Variants in RFX3 observed in about 807,000 individuals in gnomAD.
RFX3 encodes the protein transcription factor RFX3.
In RFX3, 14 loss-of-function variants were observed where a neutral mutation model predicts 98.6. The ratio of observed to expected loss-of-function variants is 0.14; its 90% CI spans 0.09 to 0.22. RFX3 has a LOEUF of 0.22. RFX3 is among the 10% of genes least tolerant of loss of function. The probability of loss-of-function intolerance (pLI) is 1.00; values close to 1 mark genes in which losing one functional copy is unlikely to be tolerated. For missense variants in RFX3, 639 were observed against 926.9 expected (o/e 0.69, Z 4.03); for synonymous variants, 383 against 328.4 (o/e 1.17, Z -1.80).
chr9:3,294,998 T>C (rs1462004682), intron 5 of RFX3, among the ~76,000 whole-genome samples: 1 of 152,138 alleles, frequency 6.6e-6, no homozygotes, highest in African/African-American at 2.4e-5. Context: ...AAATAATTCT[T>C]TTGTTATGAA....
intron 2 of RFX3, among the ~76,000 whole-genome samples, chr9:3,388,394 A>G (rs1839944008): frequency 6.6e-6 from 1 of 152,118 alleles, no homozygotes; most frequent in Admixed American, 6.6e-5. Flanking sequence ...TCCCCAAAGA[A>G]AATGTCTTTT....
intron 4 of RFX3, among the ~76,000 whole-genome samples, chr9:3,328,483 A>T (rs1251109082): frequency 6.6e-6 from 1 of 152,176 alleles, no homozygotes; most frequent in African/African-American, 2.4e-5. Context: ...ATCTACATAA[A>T]TATACTGATG....
intron 1 of RFX3, among the ~76,000 whole-genome samples, chr9:3,404,198 A>C (rs1022567596): frequency 6.6e-6 from 1 of 152,194 alleles, no homozygotes; most frequent in African/African-American, 2.4e-5. Flanking sequence ...GACCTCAAAA[A>C]AACCTCTATA....
chr9:3,261,618 T>C (rs759811755), intron 13 of RFX3, among the ~76,000 whole-genome samples: 9 of 152,140 alleles, frequency 5.9e-5, no homozygotes, highest in Admixed American at 6.6e-5. Context: ...CCTCTATGTA[T>C]AAGTTTTGTG....
At chr9:3,506,441 G>A (rs566473567) in intron 1 of RFX3, among the ~76,000 whole-genome samples, 7 of 151,868 alleles carry the variant, frequency 4.6e-5, no homozygotes, top group Admixed American at 2.6e-4. Context: ...AAGTTAGGCA[G>A]TAGAAGGAAA....
intron 1 of RFX3, among the ~76,000 whole-genome samples, chr9:3,496,316 A>G (rs1378088066): frequency 6.6e-6 from 1 of 151,966 alleles, no homozygotes; most frequent in Non-Finnish European, 1.5e-5. Flanking sequence ...TGTAATCTTT[A>G]ATGATCCTGC....
chr9:3,454,838 C>T lies in RFX3; in HGVS notation c.-8-59242G>A, dbSNP rs149125817. 4.2e-4 allele frequency among the ~76,000 whole-genome samples: 64 copies of T among 152,232 alleles called. No individual in the cohort carries two copies. In the Middle Eastern group the frequency reaches 0.031, roughly 73 times the overall value. ...ATCTCAACAAAACCTATGAGAAAAA[C>T]GTGGTACAATTAAATCAGGGACACA... On this transcript the variant is annotated intron_variant, in intron 1 of 16. Transcript: ENST00000617270.
intron 7 of RFX3, 145 bp from the exon 8 acceptor site, chr9:3,277,606 A>C: frequency 3.1e-6 from 2 of 647,208 alleles, no homozygotes; most frequent in Non-Finnish European, 4.9e-6. Context: ...TGATAGTCTC[A>C]TAAAGTTAGA....
chr9:3,474,390 T>C (rs1370403278), intron 1 of RFX3, among the ~76,000 whole-genome samples: 1 of 152,160 alleles, frequency 6.6e-6, no homozygotes, highest in Non-Finnish European at 1.5e-5. Context: ...TCAGAAAAGA[T>C]CCCTTGTCAA....
At chr9:3,248,292 G>C (rs1820944186) in intron 14 of RFX3, 107 bp from the exon 15 acceptor site, 2 of 1,376,168 alleles carry the variant, frequency 1.5e-6, no homozygotes, top group Admixed American at 2.9e-5. Context: ...CTATATGGTT[G>C]GTATAGTATA....
chr9:3,257,243 A>G (rs1447269117), intron 13 of RFX3, 44 bp from the exon 14 acceptor site: 5 of 1,553,894 alleles, frequency 3.2e-6, no homozygotes, highest in Non-Finnish European at 4.4e-6. Context: ...TCAATTCAGC[A>G]TCCTTTCATT....
At chr9:3,319,684 A>C (rs907747162) in intron 4 of RFX3, among the ~76,000 whole-genome samples, 1 of 152,218 alleles carries the variant, frequency 6.6e-6, no homozygotes. Flanking sequence ...AACCCTAAAA[A>C]GAAGTCTGGA....
intron 1 of RFX3, among the ~76,000 whole-genome samples, chr9:3,465,807 T>C (rs1050185451): frequency 2.6e-5 from 4 of 151,896 alleles, no homozygotes; most frequent in African/African-American, 9.7e-5. Context: ...TAAGTATTGC[T>C]ATGGTGAAAA....
At chr9:3,284,134 T>C (rs1428811536) in intron 7 of RFX3, among the ~76,000 whole-genome samples, 1 of 151,810 alleles carries the variant, frequency 6.6e-6, no homozygotes. Flanking sequence ...ATAAATGACA[T>C]TTAATATTTT....
chr9:3,366,907 A>C (rs1465238109), intron 2 of RFX3, among the ~76,000 whole-genome samples: 1 of 151,486 alleles, frequency 6.6e-6, no homozygotes, highest in African/African-American at 2.4e-5. Context: ...TTGTAGCAAA[A>C]CTCTCATTTT....
At chr9:3,443,253 T>A (rs1312406785) in intron 1 of RFX3, among the ~76,000 whole-genome samples, 1 of 152,186 alleles carries the variant, frequency 6.6e-6, no homozygotes, top group Admixed American at 6.5e-5. Context: ...GTTTGTTACA[T>A]AGGTAAATGT....
intron 1 of RFX3, chr9:3,469,011 A>C (rs1037943988): frequency 1.0e-4 from 33 of 329,926 alleles, no homozygotes; most frequent in Non-Finnish European, 1.7e-4. Context: ...CCCACTCTCT[A>C]ATTAGTGTAG....
At chr9:3,246,441 G>A (rs1380665538) in intron 15 of RFX3, among the ~76,000 whole-genome samples, 1 of 152,136 alleles carries the variant, frequency 6.6e-6, no homozygotes, top group East Asian at 1.9e-4. Context: ...TTGTTCCCTA[G>A]AGATGCAAGG....
At chr9:3,464,838 A>C (rs1361199370) in intron 1 of RFX3, among the ~76,000 whole-genome samples, 1 of 152,180 alleles carries the variant, frequency 6.6e-6, no homozygotes. Flanking sequence ...TACTGGTGGG[A>C]ATGTTTGATA....
Sources: allele counts gnomAD v4.1 joint callset (sites outside exome capture counted in the v4.1 genomes callset), GRCh38; gene constraint gnomAD v4.1.1; transcripts MANE v1.5; gene names NCBI Gene and HGNC (gene_info 2026-07-23, HGNC 2026-07-21).